KIF26B: variants seen among roughly 807,000 people sequenced by gnomAD.
KIF26B encodes kinesin-like protein KIF26B.
Under a neutral mutation model 151.2 loss-of-function variants are expected in KIF26B, and 63 were observed. The observed-to-expected ratio is 0.42, with a 90% CI of 0.34 to 0.51. The LOEUF (loss-of-function observed/expected upper bound fraction) is 0.51. KIF26B is among the 20% of genes least tolerant of loss of function. The probability of loss-of-function intolerance (pLI) is 0.07; values close to 1 mark genes in which losing one functional copy is unlikely to be tolerated. For missense variants in KIF26B, 2,813 were observed against 2,913.6 expected (o/e 0.97, Z 0.79); for synonymous variants, 1,357 against 1,262.1 (o/e 1.08, Z -1.59).
chr1:245,494,530 G>A (rs1024366774), intron 4 of KIF26B, among the ~76,000 whole-genome samples: 4 of 152,056 alleles, frequency 2.6e-5, no homozygotes, highest in African/African-American at 9.7e-5. Flanking sequence ...GATCACTGAA[G>A]AAAGATGGGA....
chr1:245,301,384 C>G (rs1671426835), intron 2 of KIF26B, among the ~76,000 whole-genome samples: 1 of 152,170 alleles, frequency 6.6e-6, no homozygotes, highest in Non-Finnish European at 1.5e-5. Context: ...CCTTTGGGGT[C>G]AGAGCAGCTT....
intron 3 of KIF26B, among the ~76,000 whole-genome samples, chr1:245,388,761 A>C (rs1405437364): frequency 6.6e-6 from 1 of 152,202 alleles, no homozygotes; most frequent in East Asian, 1.9e-4. Context: ...TATCTCTATT[A>C]GCAATGCTGC....
At chr1:245,682,205 G>A (rs1244208370) in intron 10 of KIF26B, among the ~76,000 whole-genome samples, 2 of 152,086 alleles carry the variant, frequency 1.3e-5, no homozygotes, top group South Asian at 2.1e-4. Flanking sequence ...AGATCGTGCC[G>A]TTGCACTCCA....
intron 2 of KIF26B, chr1:245,226,166 G>A: frequency 6.6e-6 from 1 of 152,412 alleles, no homozygotes; most frequent in Non-Finnish European, 1.5e-5. Flanking sequence ...GGCAAAGTGG[G>A]GAAGATCTGG....
At chr1:245,188,246 C>G (rs1558338588) in intron 2 of KIF26B, among the ~76,000 whole-genome samples, 1 of 145,084 alleles carries the variant, frequency 6.9e-6, no homozygotes, top group East Asian at 2.0e-4. Flanking sequence ...CACCATTGCA[C>G]TCCAGTCTGG....
chr1:245,362,514 G>A (rs1288120392), intron 2 of KIF26B, among the ~76,000 whole-genome samples: 2 of 150,524 alleles, frequency 1.3e-5, no homozygotes, highest in African/African-American at 2.4e-5. Flanking sequence ...CTCCAGTCTT[G>A]CGACAGAGCA....
At chr1:245,574,058 G>A (rs2043093080) in intron 5 of KIF26B, among the ~76,000 whole-genome samples, 2 of 152,200 alleles carry the variant, frequency 1.3e-5, no homozygotes, top group Non-Finnish European at 1.5e-5. Context: ...CGTGGGTAAG[G>A]GAAGACTGCT....
At chr1:245,460,728 G>A (rs925860741) in intron 4 of KIF26B, among the ~76,000 whole-genome samples, 3 of 152,330 alleles carry the variant, frequency 2.0e-5, no homozygotes, top group East Asian at 1.9e-4. Context: ...ACCTCAGGCC[G>A]TGGTGTGCAT....
intron 4 of KIF26B, among the ~76,000 whole-genome samples, chr1:245,474,439 T>G (rs1209119992): frequency 1.4e-5 from 2 of 139,070 alleles, no homozygotes; most frequent in Non-Finnish European, 1.5e-5. Context: ...TTTTTTGGAG[T>G]CTCACTCTGT....
At position 245,366,988 on chromosome 1, in the gene KIF26B, A is replaced by C. The variant is rs372431324; in HGVS notation, c.620A>C (p.Gln207Pro). The change falls in exon 3 of 15, where the codon CAG (glutamine) becomes CCG (proline). Residue 207 changes from glutamine to proline, a missense_variant. Around this residue, in one of 3 missense-constraint regions of KIF26B, gnomAD observed 676 missense variants for 688.1 expected, o/e 0.98. Coordinates refer to ENST00000407071, the MANE Select transcript of KIF26B (RefSeq NM_018012.4). ...ATCCAGATGGTGCTGACGTTGGAGC[A>C]GGCAGCCGGCAGTGAGCACTACGAC... ...EAIQMVLTLE[Q>P]AAGSEHYDAS... 7.4e-6 allele frequency: 12 copies of C among 1,613,936 alleles called. No homozygotes were observed. The East Asian group carries it at 2.5e-4, about 33-fold the overall frequency.
Position 245,198,957 on chromosome 1 carries a change from G to A in KIF26B, c.465+42274G>A, listed in dbSNP as rs1669247427. On this transcript the variant is annotated intron_variant, in intron 2 of 14. Transcript: ENST00000407071. Reference sequence around the variant, plus strand: ...CCCTGCGGCAGCGTCGGGGGAGGCGGGAGAGTGTGGCCGCTGAGCTGAGCT... The same window carrying A: ...CCCTGCGGCAGCGTCGGGGGAGGCGAGAGAGTGTGGCCGCTGAGCTGAGCT... 2.6e-5 allele frequency among the ~76,000 whole-genome samples: 4 copies of A among 152,202 alleles called. No individual in the cohort carries two copies. In the South Asian group the frequency reaches 8.3e-4, roughly 32 times the overall value.
At chr1:245,621,259 G>A (rs568550386) in intron 9 of KIF26B, among the ~76,000 whole-genome samples, 92 of 152,214 alleles carry the variant, frequency 6.0e-4, no homozygotes, top group African/African-American at 2.0e-3. Context: ...GGTTAGCTTC[G>A]GATTTTCATC....
At chr1:245,485,384 C>CTTTTT (rs367794115) in intron 4 of KIF26B, among the ~76,000 whole-genome samples, 1 of 62,546 alleles carries the variant, frequency 1.6e-5, no homozygotes. Flanking sequence ...TTCCTAGCAT[C>CTTTTT]ATTTTTTTTT....
In KIF26B at chr1:245,597,791, C is replaced by G. The variant is rs1218075998; in HGVS notation, c.1351-4786C>G. Among the ~76,000 whole-genome samples, 1 of 152,168 alleles carries G rather than the reference C, an allele frequency of 6.6e-6. No homozygotes were observed. The highest frequency in any genetic ancestry group is 1.5e-5 in the Non-Finnish European group (1 of 68,038). On this transcript the variant is annotated intron_variant, in intron 5 of 14. Transcript: ENST00000407071. The surrounding 1 kb of genome is among the most constrained non-coding windows in gnomAD (Gnocchi z 4.6). Reference sequence around the variant, plus strand: ...CAATCAAACATAGGTTTGGTCTTTTCACATAGTTCCATATTTCTTGGAGGC... The same window carrying G: ...CAATCAAACATAGGTTTGGTCTTTTGACATAGTTCCATATTTCTTGGAGGC...
At chr1:245,258,788 G>T (rs910395262) in intron 2 of KIF26B, among the ~76,000 whole-genome samples, 1 of 152,084 alleles carries the variant, frequency 6.6e-6, no homozygotes, top group African/African-American at 2.4e-5. Flanking sequence ...CCCACGGGCG[G>T]GGGTGAGAGC....
At position 245,375,074 on chromosome 1, in the gene KIF26B, A is replaced by G. The variant is rs1673241584; in HGVS notation, c.999+7707A>G. ...TAAGCCAAGGATCTTGAGATGGGGG[A>G]TCATTTAATTTAATTTTATTATTAT... On this transcript the variant is annotated intron_variant, in intron 3 of 14. Transcript: ENST00000407071. The surrounding 1 kb of genome is among the most constrained non-coding windows in gnomAD (Gnocchi z 4.2). Among the ~76,000 whole-genome samples the G allele has an allele frequency of 1.3e-5, 2 of 151,924 alleles. No homozygotes were observed. Among genetic ancestry groups the G allele is most frequent in the Non-Finnish European group, 2.9e-5 (2 of 67,998 alleles).
Position 245,515,837 on chromosome 1 carries a change from T to G in KIF26B, c.1167-24930T>G, listed in dbSNP as rs552096447. 2.6e-5 allele frequency among the ~76,000 whole-genome samples: 4 copies of G among 152,244 alleles called. No homozygotes were observed. In the South Asian group the frequency reaches 6.2e-4, roughly 24 times the overall value. On this transcript the variant is annotated intron_variant, in intron 4 of 14. Coordinates refer to ENST00000407071, the MANE Select transcript of KIF26B (RefSeq NM_018012.4). ...GGCATGGGAGGGCTCGCTCTGTAAC[T>G]CGGCTTGTCCCAGGGTATGAATGAG...
At chr1:245,595,250 A>T (rs937757098) in intron 5 of KIF26B, among the ~76,000 whole-genome samples, 1 of 152,182 alleles carries the variant, frequency 6.6e-6, no homozygotes, top group African/African-American at 2.4e-5. Flanking sequence ...TGGTTTTCAA[A>T]GGGAATGCTT....
chr1:245,162,306 G>C (rs148554979), intron 2 of KIF26B, among the ~76,000 whole-genome samples: 17 of 151,540 alleles, frequency 1.1e-4, no homozygotes, highest in African/African-American at 3.9e-4. Context: ...TTATTGTGGC[G>C]AAGGAGCACT....
Sources: allele counts gnomAD v4.1 joint callset (sites outside exome capture counted in the v4.1 genomes callset), GRCh38; gene constraint gnomAD v4.1.1; regional missense constraint gnomAD v4.1.1; non-coding constraint Gnocchi (gnomAD v3.1); transcripts MANE v1.5; gene names NCBI Gene and HGNC (gene_info 2026-07-23, HGNC 2026-07-21).